CPQ: variants seen among roughly 807,000 people sequenced by gnomAD.
CPQ encodes carboxypeptidase Q, also known as Ser-Met dipeptidase.
Under a neutral mutation model 45.7 loss-of-function variants are expected in CPQ, and 37 were observed. That is an observed-to-expected ratio of 0.81 (90% CI 0.62 to 1.07). The LOEUF (loss-of-function observed/expected upper bound fraction) is 1.07, where lower values mean the gene tolerates loss of function less well. Among genes scored for constraint, CPQ ranks in the 50% least tolerant of loss-of-function variants. The probability of loss-of-function intolerance (pLI) is 0.00; values close to 1 mark genes in which losing one functional copy is unlikely to be tolerated. For missense variants in CPQ, 537 were observed against 572.9 expected (o/e 0.94, Z 0.64); for synonymous variants, 186 against 205.8 (o/e 0.90, Z 0.82).
At chr8:96,817,639 A>G (rs531877407) in intron 2 of CPQ, among the ~76,000 whole-genome samples, 1 of 151,604 alleles carries the variant, frequency 6.6e-6, no homozygotes, top group South Asian at 2.1e-4. Flanking sequence ...ATTGAGACAG[A>G]GTCTTGCTCT....
intron 3 of CPQ, among the ~76,000 whole-genome samples, chr8:96,858,494 A>G (rs911638556): frequency 4.6e-4 from 70 of 152,292 alleles, no homozygotes; most frequent in African/African-American, 1.6e-3. Flanking sequence ...ACTGAAAATT[A>G]CTAATGCAAA....
chr8:96,787,246 G>T (rs946509432), intron 2 of CPQ, among the ~76,000 whole-genome samples: 2 of 151,980 alleles, frequency 1.3e-5, no homozygotes, highest in African/African-American at 2.4e-5. Context: ...TTTGTATATG[G>T]TATAAGATAA....
chr8:96,787,144 T>C (rs1164034621), intron 2 of CPQ, among the ~76,000 whole-genome samples: 1 of 152,118 alleles, frequency 6.6e-6, no homozygotes, highest in African/African-American at 2.4e-5. Flanking sequence ...TGTATCTAGG[T>C]ATGTATATCT....
At chr8:96,981,306 A>G (rs1180972306) in intron 5 of CPQ, among the ~76,000 whole-genome samples, 1 of 152,216 alleles carries the variant, frequency 6.6e-6, no homozygotes, top group Non-Finnish European at 1.5e-5. Flanking sequence ...TAAAAGGAAT[A>G]TATTTAAAAT....
At chr8:97,026,493 T>C (rs557589345) in intron 5 of CPQ, among the ~76,000 whole-genome samples, 1 of 152,272 alleles carries the variant, frequency 6.6e-6, no homozygotes, top group Admixed American at 6.5e-5. Context: ...CCCCACTAGG[T>C]TTAAGGTCTA....
intron 7 of CPQ, among the ~76,000 whole-genome samples, chr8:97,099,160 C>T (rs898547119): frequency 2.0e-4 from 23 of 116,668 alleles, no homozygotes; most frequent in East Asian, 2.7e-4. Context: ...AGTCTCACTC[C>T]GTTGCCCACT....
At chr8:96,674,749 G>C (rs1000826902) in intron 1 of CPQ, among the ~76,000 whole-genome samples, 2 of 152,034 alleles carry the variant, frequency 1.3e-5, no homozygotes, top group African/African-American at 2.4e-5. Flanking sequence ...TTTTCGTTTT[G>C]TTTTTGGTAA....
At position 97,122,922 on chromosome 8, in the gene CPQ, TAAAATAAATAAAATA is replaced by T. The variant is rs1482554998; in HGVS notation, c.1256-20094_1256-20080del. The stretch of plus-strand genomic sequence containing the variant: ...TAAAATAAAATAAAATAAAATAAAA[TAAAATAAATAAAATA>T]AAATAAAATAAAATAAAATAAAATA... On this transcript the variant is annotated intron_variant, in intron 7 of 7. Coordinates refer to ENST00000220763, the MANE Select transcript of CPQ (RefSeq NM_016134.4). Among the ~76,000 whole-genome samples, 309 of 52,606 alleles carry T rather than the reference TAAAATAAATAAAATA, an allele frequency of 5.9e-3. 11 individuals carry two copies. The highest frequency in any genetic ancestry group is 0.034 in the South Asian group (68 of 1,994). 34.5% of individuals were successfully genotyped at this position (52,606 alleles called of 152,430 possible).
chr8:96,730,167 G>T (rs1809891915), intron 1 of CPQ, among the ~76,000 whole-genome samples: 1 of 152,156 alleles, frequency 6.6e-6, no homozygotes, highest in Admixed American at 6.5e-5. Flanking sequence ...CTTTATAAAA[G>T]AACTGGGTAA....
intron 1 of CPQ, among the ~76,000 whole-genome samples, chr8:96,714,591 C>A: frequency 6.6e-6 from 1 of 151,898 alleles, no homozygotes; most frequent in East Asian, 1.9e-4. Flanking sequence ...TCTCTTATAT[C>A]TCCTCAAGTA....
intron 6 of CPQ, among the ~76,000 whole-genome samples, chr8:97,057,350 C>CTGTT (rs1319637441): frequency 2.0e-5 from 3 of 152,096 alleles, no homozygotes; most frequent in Non-Finnish European, 4.4e-5. Flanking sequence ...TTTTGTAAAA[C>CTGTT]TGTTATTGGA....
At chr8:96,747,998 A>G (rs1441596392) in intron 1 of CPQ, among the ~76,000 whole-genome samples, 1 of 152,234 alleles carries the variant, frequency 6.6e-6, no homozygotes, top group Non-Finnish European at 1.5e-5. Flanking sequence ...TTTCTTTACT[A>G]TTCTTTAATG....
intron 1 of CPQ, among the ~76,000 whole-genome samples, chr8:96,743,499 C>T (rs1490682134): frequency 2.3e-4 from 35 of 152,156 alleles, no homozygotes; most frequent in Admixed American, 6.6e-4. Context: ...CTCCATCCAG[C>T]TTTGTTCCGT....
At chr8:96,797,007 A>C (rs1370334838) in intron 2 of CPQ, among the ~76,000 whole-genome samples, 1 of 152,186 alleles carries the variant, frequency 6.6e-6, no homozygotes. Context: ...CAGATTTTAA[A>C]TTGAGCTTCT....
intron 5 of CPQ, among the ~76,000 whole-genome samples, chr8:96,980,946 C>G (rs1289831019): frequency 6.6e-6 from 1 of 152,146 alleles, no homozygotes; most frequent in Non-Finnish European, 1.5e-5. Flanking sequence ...TTTGCTCTCT[C>G]TGTGATGTCC....
chr8:96,879,849 A>G lies in CPQ; in HGVS notation c.693A>G (p.Thr231=). Residue 231 remains threonine (T), a synonymous_variant, in exon 4 of 8, where the codon ACA becomes ACG. Coordinates refer to ENST00000220763, the MANE Select transcript of CPQ (RefSeq NM_016134.4). The part of the protein sequence containing the change: ...EYQDGVPKIP[T]ACITVEDAEM... ...AGGATGGCGTGCCCAAGATTCCAACAGCCTGTATTACGGTGGAAGATGCAG... is the reference window on the plus strand; with the variant it reads ...AGGATGGCGTGCCCAAGATTCCAACGGCCTGTATTACGGTGGAAGATGCAG... 6.2e-7 allele frequency: 1 copy of G among 1,614,106 alleles called. No individual in the cohort carries two copies. The highest frequency in any genetic ancestry group is 8.5e-7 in the Non-Finnish European group (1 of 1,179,984).
chr8:97,119,663 C>A (rs1291102026), intron 7 of CPQ, among the ~76,000 whole-genome samples: 1 of 152,120 alleles, frequency 6.6e-6, no homozygotes, highest in Non-Finnish European at 1.5e-5. Context: ...TCATGTACCT[C>A]AGTGGGGGAT....
At chr8:96,681,192 A>G (rs1053410313) in intron 1 of CPQ, among the ~76,000 whole-genome samples, 1 of 152,234 alleles carries the variant, frequency 6.6e-6, no homozygotes, top group Non-Finnish European at 1.5e-5. Flanking sequence ...AATCCCCAAA[A>G]CAATGGAGAA....
At chr8:96,735,801 T>C (rs1809974938) in intron 1 of CPQ, among the ~76,000 whole-genome samples, 1 of 152,164 alleles carries the variant, frequency 6.6e-6, no homozygotes, top group Non-Finnish European at 1.5e-5. Context: ...TTAGCCAGGG[T>C]ATTCTTCACT....
Sources: gnomAD v4.1 joint callset for allele counts (sites outside exome capture counted in the v4.1 genomes callset) on GRCh38, gnomAD v4.1.1 for gene constraint, MANE v1.5 for transcripts, NCBI Gene and HGNC (gene_info 2026-07-23, HGNC 2026-07-21) for gene names.